TAGLN2: variants seen among roughly 807,000 people sequenced by gnomAD.
TAGLN2 encodes transgelin-2.
A neutral mutation model predicts 24.9 loss-of-function variants in TAGLN2; 14 were observed. That is an observed-to-expected ratio of 0.56 (90% CI 0.37 to 0.88). The LOEUF is 0.88. Among genes scored for constraint, TAGLN2 ranks in the 40% least tolerant of loss-of-function variants. The pLI is 0.00. For missense variants in TAGLN2, 208 were observed against 258.9 expected (o/e 0.80, Z 1.35); for synonymous variants, 77 against 98.2 (o/e 0.78, Z 1.28).
intron 3 of TAGLN2, 40 bp downstream of exon 3, chr1:159,919,621 C>T: frequency 8.1e-6 from 13 of 1,603,120 alleles, no homozygotes; most frequent in Non-Finnish European, 1.1e-5. Context: ...CAATCTCTGG[C>T]CTCCTGGATG....
intron 4 of TAGLN2, 73 bp from the exon 5 acceptor site, chr1:159,919,014 C>A: frequency 1.3e-6 from 2 of 1,588,278 alleles, no homozygotes; most frequent in Non-Finnish European, 1.7e-6. Context: ...GGACAGAGCA[C>A]AGGCTTTGCT....
At chr1:159,923,436 C>T (rs1650599426) in intron 1 of TAGLN2, 4 of 1,550,110 alleles carry the variant, frequency 2.6e-6, no homozygotes, top group East Asian at 4.9e-5. Flanking sequence ...GGAAGCTTAC[C>T]TCACCAAAGC....
intron 3 of TAGLN2, 34 bp downstream of exon 3, chr1:159,919,627 G>A (rs764270863): frequency 3.1e-6 from 5 of 1,604,854 alleles, no homozygotes; most frequent in African/African-American, 1.3e-5. Context: ...CTGGCCTCCT[G>A]GATGACAGGA....
chr1:159,920,172 T>C (rs1467662397), intron 2 of TAGLN2, 158 bp downstream of exon 2: 9 of 1,209,368 alleles, frequency 7.4e-6, no homozygotes, highest in African/African-American at 1.5e-5. Flanking sequence ...GAGGAAAGCA[T>C]GGGCCCTCTC....
At chr1:159,922,990 G>A (rs7551141) in intron 1 of TAGLN2, among the ~76,000 whole-genome samples, 56,961 of 152,158 alleles carry the variant, frequency 0.37, 11,071 homozygotes, top group Non-Finnish European at 0.44. Flanking sequence ...AGGTGCCAGA[G>A]CCATAGGGCG....
chr1:159,924,231 C>T (rs1650630475), intron 1 of TAGLN2, among the ~76,000 whole-genome samples: 1 of 152,134 alleles, frequency 6.6e-6, no homozygotes, highest in African/African-American at 2.4e-5. Context: ...TTGGACAAAA[C>T]CTATTTGTTG....
Position 159,919,185 on chromosome 1 carries a change from C to G in TAGLN2, c.458+89G>C, listed in dbSNP as rs1186425968. 3 of 1,379,784 alleles carry G rather than the reference C, an allele frequency of 2.2e-6. No individual in the cohort carries two copies. The Admixed American group carries it at 5.1e-5, about 23-fold the overall frequency. The allele number at this position is 1,379,784 out of a possible 1,614,324, so 85.5% of individuals were successfully genotyped here. A position where few individuals can be genotyped will look rare whatever the true frequency, so the allele number is the denominator to read the frequency against. On this transcript the variant is annotated intron_variant, in intron 4 of 4. Transcript: ENST00000368097. ...CTGAAAGTGCTTTGTAAAGGGCCAG[C>G]TGCTACTGAGATAAGTTATTTCCTA...
intron 4 of TAGLN2, 105 bp downstream of exon 4, chr1:159,919,169 C>G: frequency 7.5e-7 from 1 of 1,329,062 alleles, no homozygotes; most frequent in Non-Finnish European, 1.1e-6. Context: ...TCTGAAAGTG[C>G]TTTGTAAAGG....
chr1:159,918,942 C>G lies in TAGLN2; in HGVS notation c.459-1G>C, dbSNP rs879007079. 6.2e-7 allele frequency: 1 copy of G among 1,613,952 alleles called. No individual in the cohort carries two copies. Among genetic ancestry groups the G allele is most frequent in the African/African-American group, 1.3e-5 (1 of 74,920 alleles). ...GTTCCGAGGATTCTCCTTGGATTTC[C>G]TGGGTGACAAGGGAGTGGTGGTTAG... On this transcript the variant is annotated splice_acceptor_variant, in intron 4 of 4. Coordinates refer to ENST00000368097, the MANE Select transcript of TAGLN2 (RefSeq NM_003564.3). LOFTEE classifies it high-confidence loss of function.
At chr1:159,919,601 G>A (rs1650459849) in intron 3 of TAGLN2, 60 bp downstream of exon 3, 2 of 1,588,554 alleles carry the variant, frequency 1.3e-6, no homozygotes, top group Non-Finnish European at 1.7e-6. Context: ...CTGGTCAAGA[G>A]GGCCCAGCCC....
Position 159,918,894 on chromosome 1 carries a change from T to G in TAGLN2, c.506A>C (p.Glu169Ala). ...CTGTAACCCGATCACGTTCTTGCCC[T>G]CTTGCAGCTGGTTATCCGAGAAGTT... ...PRNFSDNQLQ[E>A]GKNVIGLQMG... The change falls in exon 5 of 5, where the codon GAG (glutamate) becomes GCG (alanine). Residue 169 changes from glutamate to alanine, a missense_variant. By Grantham distance (107) the Glu-to-Ala change is moderately radical (BLOSUM62 -1). Transcript: ENST00000368097. 1 of 1,614,232 alleles carries G rather than the reference T, an allele frequency of 6.2e-7. No homozygotes were observed.
chr1:159,918,859 T>C lies in TAGLN2; in HGVS notation c.541A>G (p.Asn181Asp), dbSNP rs763427223. The C allele has an allele frequency of 2.0e-5, 32 of 1,614,134 alleles. No homozygotes were observed. Among genetic ancestry groups the C allele is most frequent in the Non-Finnish European group, 2.7e-5 (32 of 1,180,048 alleles). Reference protein sequence around the residue: ...KNVIGLQMGTNRGASQAGMTG... With the variant: ...KNVIGLQMGTDRGASQAGMTG... ...ATGCCTGCCTGAGACGCCCCGCGGT[T>C]GGTGCCCATCTGTAACCCGATCACG... Residue 181 changes from asparagine (N) to aspartate (D), a missense_variant, in exon 5 of 5, where the codon AAC becomes GAC. Asn to Asp is a conservative substitution (Grantham distance 23). Transcript: ENST00000368097.
rs773962559 is a variant in TAGLN2 at position 159,920,248 on chromosome 1, T to C, written c.180+82A>G. On this transcript the variant is annotated intron_variant, in intron 2 of 4. Coordinates refer to ENST00000368097, the MANE Select transcript of TAGLN2 (RefSeq NM_003564.3). ...GACATGTGTGCCTTCAGTCTTCTCC[T>C]CTTCAGGTTAAACAATCCCCAGTCC... 7 of 1,607,566 alleles carry C rather than the reference T, an allele frequency of 4.4e-6. No homozygotes were observed. In the South Asian group the frequency reaches 7.7e-5, roughly 18 times the overall value.
At chr1:159,921,311 G>A (rs1650524636) in intron 1 of TAGLN2, among the ~76,000 whole-genome samples, 1 of 152,198 alleles carries the variant, frequency 6.6e-6, no homozygotes, top group South Asian at 2.1e-4. Flanking sequence ...TGAGCCCAGT[G>A]TAATCACAAG....
At chr1:159,924,115 G>C (rs1023553487) in intron 1 of TAGLN2, among the ~76,000 whole-genome samples, 14 of 152,184 alleles carry the variant, frequency 9.2e-5, no homozygotes, top group Admixed American at 9.2e-4. Flanking sequence ...AGAACCCACA[G>C]CTGAAAATTC....
At chr1:159,922,382 C>T (rs1239148920) in intron 1 of TAGLN2, among the ~76,000 whole-genome samples, 1 of 152,172 alleles carries the variant, frequency 6.6e-6, no homozygotes, top group Non-Finnish European at 1.5e-5. Flanking sequence ...GAAAGCTGGG[C>T]CAGATAAATG....
intron 1 of TAGLN2, among the ~76,000 whole-genome samples, chr1:159,922,205 G>A (rs1015399236): frequency 5.6e-4 from 86 of 152,250 alleles, no homozygotes; most frequent in African/African-American, 1.8e-3. Context: ...AACACCTCTC[G>A]GCCGCAGAGG....
At chr1:159,923,457 G>C in intron 1 of TAGLN2, 1 of 1,550,208 alleles carries the variant, frequency 6.5e-7, no homozygotes, top group Admixed American at 2.0e-5. Context: ...CAAAGCCAAA[G>C]AAAAGGCGGA....
At chr1:159,920,666 C>G (rs1387528212) in intron 1 of TAGLN2, 129 bp from the exon 2 acceptor site, 2 of 1,451,120 alleles carry the variant, frequency 1.4e-6, no homozygotes, top group Middle Eastern at 1.8e-4. Context: ...AGGACCAGAA[C>G]TGTTACCAAA....
Sources: allele counts gnomAD v4.1 joint callset (sites outside exome capture counted in the v4.1 genomes callset), GRCh38; gene constraint gnomAD v4.1.1; transcripts MANE v1.5; gene names NCBI Gene and HGNC (gene_info 2026-07-23, HGNC 2026-07-21).